Variants in NEK11 observed in about 807,000 individuals in gnomAD.
NEK11 encodes the protein serine/threonine-protein kinase Nek11.
NEK11 carries 72 observed loss-of-function variants against 80.7 expected under a neutral mutation model. That is an observed-to-expected ratio of 0.89 (90% CI 0.74 to 1.08). NEK11 has a LOEUF of 1.08. Ranked by LOEUF, NEK11 falls within the 50% of genes least tolerant of loss-of-function variation. The pLI, the probability that NEK11 is intolerant of heterozygous loss-of-function variation, is 0.00. For missense variants in NEK11, 764 were observed against 763.6 expected (o/e 1.00, Z -0.01); for synonymous variants, 251 against 260.7 (o/e 0.96, Z 0.36).
In NEK11 at chr3:131,154,606, T is replaced by C. The variant is rs77392919; in HGVS notation, c.877-430T>C. On this transcript the variant is annotated intron_variant, in intron 9 of 17. Coordinates refer to ENST00000383366, the MANE Select transcript of NEK11 (RefSeq NM_024800.5). ...TTTTGATTTTTAACAATAATGTTCA[T>C]TAAAATTATTTATCTTGGCTACTGA... Among the ~76,000 whole-genome samples the C allele has an allele frequency of 4.9e-3, 747 of 152,342 alleles. 11 individuals are homozygous for C. Among genetic ancestry groups the C allele is most frequent in the African/African-American group, 0.017 (711 of 41,566 alleles).
intron 16 of NEK11, among the ~76,000 whole-genome samples, chr3:131,268,367 T>C (rs1197985349): frequency 6.6e-6 from 1 of 152,196 alleles, no homozygotes; most frequent in Non-Finnish European, 1.5e-5. Context: ...TTTTTGAAAT[T>C]TTCAGTCTTT....
At chr3:131,295,221 G>A (rs1444981878) in intron 17 of NEK11, among the ~76,000 whole-genome samples, 1 of 151,590 alleles carries the variant, frequency 6.6e-6, no homozygotes. Context: ...TTTTAAGGCT[G>A]ATTTGAATAG....
At chr3:131,223,486 G>C (rs2095093826) in intron 14 of NEK11, among the ~76,000 whole-genome samples, 1 of 152,154 alleles carries the variant, frequency 6.6e-6, no homozygotes, top group Non-Finnish European at 1.5e-5. Flanking sequence ...GGGAAGAGGA[G>C]CTTAGTGTTT....
At chr3:131,347,432 A>AAG (rs1343888783) in intron 17 of NEK11, among the ~76,000 whole-genome samples, 39 of 152,370 alleles carry the variant, frequency 2.6e-4, no homozygotes, top group Admixed American at 9.8e-4. Flanking sequence ...CCAGCCTTTA[A>AAG]ACCAGAGCTA....
intron 10 of NEK11, among the ~76,000 whole-genome samples, chr3:131,156,046 A>AT (rs2090600318): frequency 6.6e-6 from 1 of 151,736 alleles, no homozygotes; most frequent in African/African-American, 2.4e-5. Context: ...AGTAGTAGAT[A>AT]TTTTTTAAAT....
At chr3:131,121,056 A>T (rs1025090452) in intron 5 of NEK11, among the ~76,000 whole-genome samples, 1 of 152,152 alleles carries the variant, frequency 6.6e-6, no homozygotes, top group African/African-American at 2.4e-5. Flanking sequence ...GGAGGAGAAG[A>T]GGTGCTCTGA....
chr3:131,257,770 C>G (rs2095842820), intron 16 of NEK11, among the ~76,000 whole-genome samples: 1 of 152,062 alleles, frequency 6.6e-6, no homozygotes, highest in South Asian at 2.1e-4. Context: ...ATGGAGATTC[C>G]TTAAAGAACT....
At chr3:131,056,765 C>G (rs2069580405) in intron 3 of NEK11, among the ~76,000 whole-genome samples, 1 of 152,128 alleles carries the variant, frequency 6.6e-6, no homozygotes, top group South Asian at 2.1e-4. Context: ...CAAGGGCCTC[C>G]CATTTCTGCC....
chr3:131,070,533 C>T (rs765951289), intron 3 of NEK11, among the ~76,000 whole-genome samples: 6 of 152,158 alleles, frequency 3.9e-5, no homozygotes, highest in Non-Finnish European at 8.8e-5. Flanking sequence ...CGTGAGATTT[C>T]TGTAACTCTC....
intron 3 of NEK11, among the ~76,000 whole-genome samples, chr3:131,047,626 A>G (rs2067611964): frequency 6.6e-6 from 1 of 152,146 alleles, no homozygotes; most frequent in Non-Finnish European, 1.5e-5. Flanking sequence ...TGTGATGTGA[A>G]CCATCTTCAG....
chr3:131,148,517 C>T (rs928852378), intron 7 of NEK11, among the ~76,000 whole-genome samples: 2 of 151,790 alleles, frequency 1.3e-5, no homozygotes, highest in Admixed American at 1.3e-4. Flanking sequence ...CTGTATTCAA[C>T]AAATATCTAT....
intron 7 of NEK11, among the ~76,000 whole-genome samples, chr3:131,150,969 C>T (rs2089536629): frequency 6.6e-6 from 1 of 151,898 alleles, no homozygotes; most frequent in Admixed American, 6.6e-5. Flanking sequence ...GAAATCTAAC[C>T]AGATGCCATT....
intron 17 of NEK11, among the ~76,000 whole-genome samples, chr3:131,280,994 C>G (rs1407232710): frequency 6.6e-6 from 1 of 152,170 alleles, no homozygotes; most frequent in African/African-American, 2.4e-5. Context: ...AATGTGAGCC[C>G]CAAGTACTAT....
chr3:131,105,169 T>A (rs1454808717), intron 4 of NEK11, among the ~76,000 whole-genome samples: 1 of 152,228 alleles, frequency 6.6e-6, no homozygotes, highest in Admixed American at 6.5e-5. Context: ...CTTTCTTAAT[T>A]ATCTTGACAA....
intron 15 of NEK11, among the ~76,000 whole-genome samples, chr3:131,242,148 G>C (rs2095528977): frequency 6.6e-6 from 1 of 151,942 alleles, no homozygotes; most frequent in African/African-American, 2.4e-5. Flanking sequence ...TGACTGCATA[G>C]GTTTCTGAAA....
At chr3:131,155,192 A>T in intron 10 of NEK11, 71 bp downstream of exon 10, 8 of 992,722 alleles carry the variant, frequency 8.1e-6, no homozygotes, top group Non-Finnish European at 1.3e-5. Context: ...TTAAAAATCT[A>T]TTAGCACTAA....
intron 5 of NEK11, among the ~76,000 whole-genome samples, chr3:131,115,260 G>A (rs969852018): frequency 3.9e-5 from 6 of 152,170 alleles, no homozygotes; most frequent in African/African-American, 1.4e-4. Context: ...TGGCTCCCCT[G>A]GTTCTCAGTC....
At chr3:131,269,740 A>G (rs1053079446) in intron 16 of NEK11, among the ~76,000 whole-genome samples, 3 of 152,132 alleles carry the variant, frequency 2.0e-5, no homozygotes, top group African/African-American at 4.8e-5. Flanking sequence ...GGATTCAGCT[A>G]TTTTTCAGAA....
intron 3 of NEK11, among the ~76,000 whole-genome samples, chr3:131,050,738 G>T (rs1577455701): frequency 1.3e-5 from 2 of 152,280 alleles, no homozygotes; most frequent in Admixed American, 1.3e-4. Context: ...TTCTCTGAAA[G>T]TATAGTAAGG....
Sources: allele counts gnomAD v4.1 joint callset (sites outside exome capture counted in the v4.1 genomes callset), GRCh38; gene constraint gnomAD v4.1.1; transcripts MANE v1.5; gene names NCBI Gene and HGNC (gene_info 2026-07-23, HGNC 2026-07-21).